Variants in ROBO2 observed in about 807,000 individuals in gnomAD.
The protein encoded by ROBO2 is roundabout guidance receptor 2.
Under a neutral mutation model 160.8 loss-of-function variants are expected in ROBO2, and 53 were observed. The observed-to-expected ratio is 0.33, with a 90% CI of 0.26 to 0.41. The LOEUF (loss-of-function observed/expected upper bound fraction) is 0.41. Ranked by LOEUF, ROBO2 falls within the 10% of genes least tolerant of loss-of-function variation. The pLI is 1.00. For synonymous variants in ROBO2, 664 were observed against 611.7 expected (o/e 1.09, Z -1.26); for missense variants, 1,577 against 1,722.4 (o/e 0.92, Z 1.49).
chr3:76,061,961 C>T (rs950093691), intron 2 of ROBO2, among the ~76,000 whole-genome samples: 4 of 152,178 alleles, frequency 2.6e-5, no homozygotes, highest in African/African-American at 9.7e-5. Flanking sequence ...TCCATAGTCA[C>T]ATCTCCCTCT....
chr3:76,892,595 G>T (rs1342802119), intron 2 of ROBO2, among the ~76,000 whole-genome samples: 1 of 152,046 alleles, frequency 6.6e-6, no homozygotes, highest in African/African-American at 2.4e-5. Flanking sequence ...TCCCTCAAAT[G>T]TAAGCTCTAT....
chr3:77,290,176 C>A (rs1281939567), intron 2 of ROBO2, among the ~76,000 whole-genome samples: 4 of 151,030 alleles, frequency 2.6e-5, no homozygotes, highest in East Asian at 2.0e-4. Context: ...TCACCCAAGA[C>A]ACAAAGTAAA....
chr3:76,203,483 A>G (rs36133796), intron 2 of ROBO2, among the ~76,000 whole-genome samples: 107,534 of 146,564 alleles, frequency 0.73, 40,829 homozygotes, highest in Non-Finnish European at 0.86. Flanking sequence ...CCTGGTCAAC[A>G]GATCACAGGT....
intron 2 of ROBO2, among the ~76,000 whole-genome samples, chr3:77,354,112 G>GTTTGAGGATGTTT (rs963733012): frequency 5.3e-5 from 8 of 152,152 alleles, no homozygotes; most frequent in Admixed American, 2.0e-4. Context: ...TGAGGATGTT[G>GTTTGAGGATGTTT]TTCTCTGCCT....
intron 2 of ROBO2, among the ~76,000 whole-genome samples, chr3:77,236,905 C>T (rs2088077146): frequency 6.6e-6 from 1 of 152,108 alleles, no homozygotes; most frequent in African/African-American, 2.4e-5. Context: ...TGCTTTGTTG[C>T]CTAGATTGCC....
At chr3:77,248,286 C>T (rs879728) in intron 2 of ROBO2, among the ~76,000 whole-genome samples, 41,017 of 152,052 alleles carry the variant, frequency 0.27, 6,608 homozygotes, top group Non-Finnish European at 0.36. Flanking sequence ...TTCATGCAAC[C>T]TCATTCCTTC....
chr3:76,941,328 A>G (rs890094278), intron 2 of ROBO2, among the ~76,000 whole-genome samples: 1 of 152,090 alleles, frequency 6.6e-6, no homozygotes, highest in African/African-American at 2.4e-5. Flanking sequence ...AAATTTGTTA[A>G]TTCATCACTG....
At chr3:76,069,796 G>T (rs2068384957) in intron 2 of ROBO2, among the ~76,000 whole-genome samples, 1 of 152,136 alleles carries the variant, frequency 6.6e-6, no homozygotes, top group Non-Finnish European at 1.5e-5. Flanking sequence ...GTTGCGGGAA[G>T]TCAGGGACCC....
chr3:76,219,305 A>C (rs1391270999), intron 2 of ROBO2, among the ~76,000 whole-genome samples: 1 of 152,250 alleles, frequency 6.6e-6, no homozygotes, highest in Admixed American at 6.5e-5. Flanking sequence ...CAATGGCAAC[A>C]GAAGCCAAAA....
At chr3:76,965,421 G>A (rs2079992345) in intron 2 of ROBO2, among the ~76,000 whole-genome samples, 1 of 152,144 alleles carries the variant, frequency 6.6e-6, no homozygotes, top group Non-Finnish European at 1.5e-5. Flanking sequence ...TTCCATAAAT[G>A]TCTGCAAATG....
intron 2 of ROBO2, among the ~76,000 whole-genome samples, chr3:76,567,664 TA>T (rs2084651855): frequency 1.5e-5 from 2 of 129,048 alleles, no homozygotes; most frequent in African/African-American, 2.8e-5. Context: ...CACATACACA[TA>T]TATATACATA....
At chr3:76,191,125 G>A (rs1393141976) in intron 2 of ROBO2, among the ~76,000 whole-genome samples, 2 of 152,088 alleles carry the variant, frequency 1.3e-5, no homozygotes, top group Non-Finnish European at 1.5e-5. Context: ...AGACTACAGA[G>A]CAAGGAGAAT....
intron 2 of ROBO2, among the ~76,000 whole-genome samples, chr3:76,529,001 G>C (rs1297750445): frequency 2.0e-5 from 3 of 152,136 alleles, no homozygotes; most frequent in African/African-American, 7.2e-5. Flanking sequence ...AAGTTCACTG[G>C]TGACCTTGAT....
rs375122631 is a variant in ROBO2 at position 76,338,176 on chromosome 3, T to G, written c.109+400574T>G. ...TCCTTCTCAGCCTATTAGTAAACTT[T>G]ACATACCCAACTTTACATACCCACT... is the stretch of plus-strand genomic sequence containing the variant. On this transcript the variant is annotated intron_variant, in intron 2 of 26. Transcript: ENST00000487694. 7.2e-5 allele frequency among the ~76,000 whole-genome samples: 11 copies of G among 152,290 alleles called. No individual in the cohort carries two copies. The South Asian group carries it at 2.3e-3, about 32-fold the overall frequency.
chr3:77,195,220 AT>A (rs1560207505), intron 2 of ROBO2, among the ~76,000 whole-genome samples: 3 of 152,128 alleles, frequency 2.0e-5, no homozygotes, highest in Non-Finnish European at 4.4e-5. Context: ...TTGTCATTGC[AT>A]CTTTTTATAT....
In ROBO2 at chr3:77,208,426, G is replaced by A. The variant is rs566029822; in HGVS notation, c.388+110086G>A. Among the ~76,000 whole-genome samples, 329 of 152,196 alleles carry A rather than the reference G, an allele frequency of 2.2e-3. 3 individuals carry two copies. Among genetic ancestry groups the A allele is most frequent in the African/African-American group, 7.7e-3 (318 of 41,514 alleles). Reference sequence around the variant, plus strand: ...TTGTTTTAAAGGACATGGGGATTGAGTTGCAACCAATAGATACAGTTACAC... The same window carrying A: ...TTGTTTTAAAGGACATGGGGATTGAATTGCAACCAATAGATACAGTTACAC... On this transcript the variant is annotated intron_variant, in intron 2 of 25. Coordinates refer to ENST00000461745, the Ensembl canonical transcript of ROBO2.
chr3:76,244,074 C>T (rs34456954), intron 2 of ROBO2, among the ~76,000 whole-genome samples: 113,492 of 152,070 alleles, frequency 0.75, 43,836 homozygotes, highest in Non-Finnish European at 0.86. Flanking sequence ...TTTTACATGT[C>T]ATATCTTATT....
chr3:76,019,884 C>G (rs1311673185), intron 2 of ROBO2, among the ~76,000 whole-genome samples: 1 of 151,424 alleles, frequency 6.6e-6, no homozygotes, highest in Non-Finnish European at 1.5e-5. Context: ...TATGGCCTCC[C>G]CACATGGTTA....
chr3:77,342,193 CA>C (rs761064187), intron 2 of ROBO2, among the ~76,000 whole-genome samples: 14 of 152,238 alleles, frequency 9.2e-5, no homozygotes, highest in Non-Finnish European at 1.9e-4. Context: ...CAGATAGAAG[CA>C]GCAGGAATCA....
Sources: gnomAD v4.1 joint callset for allele counts (sites outside exome capture counted in the v4.1 genomes callset) on GRCh38, gnomAD v4.1.1 for gene constraint, MANE v1.5 for transcripts, NCBI Gene and HGNC (gene_info 2026-07-23, HGNC 2026-07-21) for gene names.